Variants in LEMD1 observed in about 807,000 individuals in gnomAD.
LEMD1 encodes the protein LEM domain-containing protein 1.
Under a neutral mutation model 17.4 loss-of-function variants are expected in LEMD1, and 18 were observed. That is an observed-to-expected ratio of 1.04 (90% CI 0.72 to 1.54). LEMD1 has a LOEUF of 1.54. LEMD1 is among the 40% of genes most tolerant of loss of function. The pLI, the probability that LEMD1 is intolerant of heterozygous loss-of-function variation, is 0.00. For missense variants in LEMD1, 195 were observed against 210.4 expected (o/e 0.93, Z 0.45); for synonymous variants, 88 against 77.8 (o/e 1.13, Z -0.69).
At position 205,449,220 on chromosome 1, in the gene LEMD1, C is replaced by T. The variant is rs560128498; in HGVS notation, c.-39+648G>A. Among the ~76,000 whole-genome samples the T allele has an allele frequency of 7.9e-5, 12 of 152,236 alleles. No homozygotes were observed. The South Asian group carries it at 1.7e-3, about 21-fold the overall frequency. ...ACTGGATTGAAGAGCTGAGTTAAGG[C>T]GAACCAAGGTCTCAGGGCCCTGGAA... On this transcript the variant is annotated intron_variant, in intron 1 of 3. Transcript: ENST00000367154.
intron 4 of LEMD1, among the ~76,000 whole-genome samples, chr1:205,400,843 T>TCCCCCCCCCCCCCCCC (rs58251224): frequency 1.3e-5 from 1 of 79,692 alleles, no homozygotes; most frequent in East Asian, 7.5e-4. Context: ...ATGCTATCCC[T>TCCCCCCCCCCCCCCCC]CCCCCCCCCC....
intron 4 of LEMD1, among the ~76,000 whole-genome samples, chr1:205,412,908 T>A (rs1179300566): frequency 2.0e-5 from 3 of 152,348 alleles, no homozygotes; most frequent in Non-Finnish European, 1.5e-5. Context: ...TGCTGCAGCA[T>A]CTTTGCAGGA....
Position 205,381,668 on chromosome 1 carries a change from A to T in LEMD1, c.536T>A (p.Leu179Gln), listed in dbSNP as rs1342971666. 1 of 1,614,122 alleles carries T rather than the reference A, an allele frequency of 6.2e-7. No homozygotes were observed. The highest frequency in any genetic ancestry group is 1.7e-5 in the Admixed American group (1 of 60,006). ...FVYLTVENKS[L>Q]FG The stretch of plus-strand genomic sequence containing the variant: ...TTGCTCCTAAATTACTTAACCAAAC[A>T]GCGACTTATTTTCCACAGTCAGGTA... The change falls in exon 6 of 6, where the codon CTG becomes CAG. Residue 179 changes from leucine to glutamine, a missense_variant. Leu to Gln is a moderately radical substitution (Grantham distance 113). Coordinates refer to ENST00000367153, the MANE Select transcript of LEMD1 (RefSeq NM_001199050.2).
chr1:205,393,887 T>C (rs1267460083), intron 4 of LEMD1, among the ~76,000 whole-genome samples: 1 of 148,780 alleles, frequency 6.7e-6, no homozygotes, highest in Non-Finnish European at 1.5e-5. Flanking sequence ...AATCAGGTAC[T>C]CAAATACTTG....
chr1:205,383,926 G>C (rs1337831574), intron 5 of LEMD1, among the ~76,000 whole-genome samples: 1 of 150,578 alleles, frequency 6.6e-6, no homozygotes, highest in African/African-American at 2.4e-5. Flanking sequence ...AAGAGCCACC[G>C]CACCCGGCCT....
chr1:205,407,477 A>G (rs1665174303), intron 4 of LEMD1, among the ~76,000 whole-genome samples: 1 of 152,186 alleles, frequency 6.6e-6, no homozygotes, highest in Non-Finnish European at 1.5e-5. Context: ...TAAAACTCCT[A>G]AAAGACAGAG....
chr1:205,413,587 C>CTTTTTT (rs781477988), intron 4 of LEMD1, among the ~76,000 whole-genome samples: 2 of 72,476 alleles, frequency 2.8e-5, no homozygotes, highest in Non-Finnish European at 4.8e-5. Flanking sequence ...CCATGCCCAA[C>CTTTTTT]TTTTTTTTTT....
intron 4 of LEMD1, among the ~76,000 whole-genome samples, chr1:205,388,109 G>A (rs943202988): frequency 6.6e-6 from 1 of 152,170 alleles, no homozygotes; most frequent in African/African-American, 2.4e-5. Context: ...ACATGGTACT[G>A]CAGCATGATA....
intron 1 of LEMD1, among the ~76,000 whole-genome samples, chr1:205,438,360 GGA>G (rs1379220808): frequency 6.6e-6 from 1 of 152,246 alleles, no homozygotes; most frequent in African/African-American, 2.4e-5. Flanking sequence ...AGAGAACCAT[GGA>G]GAGAGGATGG....
At chr1:205,435,116 A>G (rs1666183774) in intron 1 of LEMD1, 1 of 152,238 alleles carries the variant, frequency 6.6e-6, no homozygotes, top group South Asian at 2.1e-4. Context: ...GGAGTTTAGC[A>G]TGATATAGAT....
chr1:205,438,068 G>A (rs1400809926), intron 1 of LEMD1, among the ~76,000 whole-genome samples: 1 of 152,230 alleles, frequency 6.6e-6, no homozygotes, highest in Non-Finnish European at 1.5e-5. Context: ...CTTGGGTCCT[G>A]TGGGCCAGGG....
At chr1:205,419,515 G>T (rs1399172314) in intron 2 of LEMD1, among the ~76,000 whole-genome samples, 163 bp from the exon 3 acceptor site, 3 of 152,152 alleles carry the variant, frequency 2.0e-5, no homozygotes, top group Admixed American at 6.5e-5. Flanking sequence ...TCCCAAGCTT[G>T]GTGCAGTAGC....
intron 4 of LEMD1, among the ~76,000 whole-genome samples, chr1:205,405,388 G>A (rs535515989): frequency 2.7e-5 from 4 of 150,230 alleles, no homozygotes; most frequent in South Asian, 4.2e-4. Context: ...ATTTCTTGGA[G>A]GCTTTGTTCG....
chr1:205,429,146 G>A (rs1666094422), intron 1 of LEMD1, among the ~76,000 whole-genome samples: 1 of 152,216 alleles, frequency 6.6e-6, no homozygotes, highest in South Asian at 2.1e-4. Flanking sequence ...CTCCACAGGT[G>A]GCCCCAACCC....
chr1:205,413,627 G>T (rs1665556099), intron 4 of LEMD1, among the ~76,000 whole-genome samples: 1 of 105,298 alleles, frequency 9.5e-6, no homozygotes, highest in Non-Finnish European at 1.8e-5. Context: ...GATATGAGGT[G>T]TTGCTATGTT....
At chr1:205,434,753 C>T (rs1666178611) in intron 1 of LEMD1, 1 of 152,220 alleles carries the variant, frequency 6.6e-6, no homozygotes, top group Non-Finnish European at 1.5e-5. Context: ...TCCCCCCAGT[C>T]TCCATTCTCC....
At position 205,441,678 on chromosome 1, in the gene LEMD1, A is replaced by G. The variant is rs1666295842; in HGVS notation, c.-39+8190T>C. Among the ~76,000 whole-genome samples the G allele has an allele frequency of 6.6e-6, 1 of 152,206 alleles. No homozygotes were observed. Among genetic ancestry groups the G allele is most frequent in the Non-Finnish European group, 1.5e-5 (1 of 68,032 alleles). ...GACTGCTCAGGGCAATGCAAATCCC[A>G]TCCTCACCATGCAGAGAAGAGACAG... On this transcript the variant is annotated intron_variant, in intron 1 of 3. Coordinates refer to the LEMD1 transcript ENST00000367154. This position sits in a 1 kb window ranked among gnomAD's most constrained non-coding sequence, Gnocchi z 4.3.
At chr1:205,424,894 A>G (rs1347763204), upstream of LEMD1, among the ~76,000 whole-genome samples, 1 of 152,228 alleles carries the variant, frequency 6.6e-6, no homozygotes, top group African/African-American at 2.4e-5. Flanking sequence ...ATGAATTGGT[A>G]AGGAACAGTC....
chr1:205,434,556 ACACC>A (rs1666175399), intron 1 of LEMD1, among the ~76,000 whole-genome samples: 1 of 151,824 alleles, frequency 6.6e-6, no homozygotes, highest in Non-Finnish European at 1.5e-5. Flanking sequence ...CCTGTTCCCC[ACACC>A]CACCCACTCC....
Sources: gnomAD v4.1 joint callset for allele counts (sites outside exome capture counted in the v4.1 genomes callset) on GRCh38, gnomAD v4.1.1 for gene constraint, Gnocchi (gnomAD v3.1) non-coding constraint, MANE v1.5 for transcripts, NCBI Gene and HGNC (gene_info 2026-07-23, HGNC 2026-07-21) for gene names.